The following ARHGEF18 variants were observed in gnomAD, a reference collection of about 807,000 sequenced individuals.
The protein encoded by ARHGEF18 is Rho/Rac guanine nucleotide exchange factor 18.
Under a neutral mutation model 155.7 loss-of-function variants are expected in ARHGEF18, and 93 were observed. The ratio of observed to expected loss-of-function variants is 0.60; its 90% CI spans 0.50 to 0.71. The LOEUF (loss-of-function observed/expected upper bound fraction) is 0.71. Among genes scored for constraint, ARHGEF18 ranks in the 30% least tolerant of loss-of-function variants. The pLI is 0.00. For missense variants in ARHGEF18, 1,593 were observed against 1,816.1 expected (o/e 0.88, Z 2.23); for synonymous variants, 742 against 753.1 (o/e 0.99, Z 0.24).
rs539475199 is a variant in ARHGEF18, at chr19:7,447,360, G to A, written c.1737+192G>A. ...AAAAATTAGCCTGGCATGGTGGCAC[G>A]CACCTGTAATCCCAGCTACTTGGGA... On this transcript the variant is annotated intron_variant, in intron 15 of 28. Coordinates refer to ENST00000668164, the MANE Select transcript of ARHGEF18 (RefSeq NM_001367823.1). 3.3e-5 allele frequency among the ~76,000 whole-genome samples: 5 copies of A among 151,614 alleles called. No homozygotes were observed. In the South Asian group the frequency reaches 1.1e-3, roughly 32 times the overall value.
chr19:7,444,410 C>T lies in ARHGEF18; in HGVS notation c.1567C>T (p.Arg523Trp), dbSNP rs373660949. 2.5e-5 allele frequency: 41 copies of T among 1,613,566 alleles called. 1 individual carries two copies. Among genetic ancestry groups the T allele is most frequent in the Middle Eastern group, 1.6e-4 (1 of 6,084 alleles). ...GGAGTCCCTGGAGGAGGGCAGTGAC[C>T]GGAATTATGTCATCCAGAAAATCGG... The part of the protein sequence containing the change: ...RQESLEEGSD[R>W]NYVIQKIGDL... Residue 523 changes from arginine (R) to tryptophan (W), a missense_variant, in exon 14 of 29, where the codon CGG becomes TGG. By Grantham distance (101) the Arg-to-Trp change is moderately radical. Transcript: ENST00000668164. The surrounding 1 kb of genome is among the most constrained non-coding windows in gnomAD (Gnocchi z 4.7).
intron 2 of ARHGEF18, among the ~76,000 whole-genome samples, chr19:7,371,076 C>T (rs1417151948): frequency 2.6e-5 from 4 of 151,884 alleles, no homozygotes; most frequent in African/African-American, 7.3e-5. Flanking sequence ...ATGCCCAGCT[C>T]ACTTTTAAAT....
intron 10 of ARHGEF18, among the ~76,000 whole-genome samples, chr19:7,423,278 A>G (rs1446872061): frequency 6.6e-6 from 1 of 152,134 alleles, no homozygotes; most frequent in Admixed American, 6.6e-5. Context: ...GGGAGCTAAC[A>G]GTTGGCCCCT....
intron 10 of ARHGEF18, chr19:7,439,582 CTGTTG>C: frequency 1.4e-6 from 1 of 707,068 alleles, no homozygotes. Flanking sequence ...TTTGCAGCCC[CTGTTG>C]ATGTTGGGTT....
intron 1 of ARHGEF18, among the ~76,000 whole-genome samples, chr19:7,356,494 G>A (rs1448160682): frequency 1.3e-5 from 2 of 151,816 alleles, no homozygotes; most frequent in Admixed American, 6.6e-5. Flanking sequence ...GGCTGGTCTC[G>A]AACTCCTGAC....
chr19:7,440,870 C>T lies in ARHGEF18; in HGVS notation c.1106+388C>T, dbSNP rs952433671. Among the ~76,000 whole-genome samples, 1 of 152,120 alleles carries T rather than the reference C, an allele frequency of 6.6e-6. No homozygotes were observed. The highest frequency in any genetic ancestry group is 2.4e-5 in the African/African-American group (1 of 41,418). ...AAAGTGGTTCCCTTGATAATGCCTG[C>T]AGCGGTGTCCGGGTAGAAAGTGATG... On this transcript the variant is annotated intron_variant, in intron 11 of 28. Coordinates refer to ENST00000668164, the MANE Select transcript of ARHGEF18 (RefSeq NM_001367823.1). This position sits in a 1 kb window ranked among gnomAD's most constrained non-coding sequence, Gnocchi z 5.4.
In ARHGEF18 at chr19:7,466,962, CCTGGAGT is replaced by C. The variant is rs747256361; in HGVS notation, c.2951_2957del (p.Leu984ArgfsTer15). ...AATCCGATCCCCGTCTGCCCACCGT[CCTGGAGT>C]CGGAGGTAGGCGCCCGCGGGTCTCC... is the stretch of plus-strand genomic sequence containing the variant. On this transcript the variant is annotated frameshift_variant, in exon 24 of 29. Transcript: ENST00000668164. LOFTEE classifies it high-confidence loss of function. 3 of 1,613,408 alleles carry C rather than the reference CCTGGAGT, an allele frequency of 1.9e-6. No homozygotes were observed. The African/African-American group carries it at 4.0e-5, about 22-fold the overall frequency.
At chr19:7,421,566 G>A (rs1973352342) in intron 10 of ARHGEF18, among the ~76,000 whole-genome samples, 1 of 152,076 alleles carries the variant, frequency 6.6e-6, no homozygotes, top group African/African-American at 2.4e-5. Context: ...TTCAAGACCA[G>A]GCTGGCCAAA....
chr19:7,372,324 C>T (rs1441566495), intron 2 of ARHGEF18, among the ~76,000 whole-genome samples: 2 of 151,846 alleles, frequency 1.3e-5, no homozygotes, highest in Non-Finnish European at 1.5e-5. Context: ...CAGGATGGGC[C>T]GGGTGGGAGA....
chr19:7,360,627 A>G (rs1222088817), intron 1 of ARHGEF18, among the ~76,000 whole-genome samples: 1 of 152,202 alleles, frequency 6.6e-6, no homozygotes, highest in Admixed American at 6.5e-5. Context: ...AGGAGGCCTC[A>G]GGCCTCCACA....
intron 10 of ARHGEF18, among the ~76,000 whole-genome samples, chr19:7,401,170 G>A (rs977369533): frequency 7.9e-5 from 12 of 152,304 alleles, no homozygotes; most frequent in South Asian, 2.1e-4. Context: ...ATCCTTGGGC[G>A]CTGGAGGCAG....
chr19:7,353,957 TAA>T (rs587629242), intron 1 of ARHGEF18, among the ~76,000 whole-genome samples: 3 of 136,306 alleles, frequency 2.2e-5, no homozygotes, highest in Non-Finnish European at 1.6e-5. Flanking sequence ...AGACTCTGTC[TAA>T]AAAAAAAAAA....
chr19:7,453,615 A>G lies in ARHGEF18; in HGVS notation c.2004A>G (p.Lys668=). ...AGATGGACCTGAAGTCTTCCAGCAA[A>G]CTCAAGAACGGGCTCACCTTCCGCA... The part of the protein sequence containing the change: ...AGKMDLKSSS[K]LKNGLTFRKE... The change falls in exon 17 of 29, where the codon AAA becomes AAG. Residue 668 remains lysine (K), a synonymous_variant. Transcript: ENST00000668164. 3 of 1,613,262 alleles carry G rather than the reference A, an allele frequency of 1.9e-6. No individual in the cohort carries two copies. The highest frequency in any genetic ancestry group is 2.5e-6 in the Non-Finnish European group (3 of 1,179,398).
In ARHGEF18 at chr19:7,364,365, AAAGGAAGG is replaced by A. The variant is rs752918785; in HGVS notation, c.15+1493_15+1500del. Reference sequence around the variant, plus strand: ...GAAGAAAGGAAGGAAGGAGGGAAGGAAAGGAAGGAAGGAAGGAAGGAAGGAAGGAAGGA... The same window carrying A: ...GAAGAAAGGAAGGAAGGAGGGAAGGAAAGGAAGGAAGGAAGGAAGGAAGGA... On this transcript the variant is annotated intron_variant, in intron 2 of 28. Coordinates refer to ENST00000668164, the MANE Select transcript of ARHGEF18 (RefSeq NM_001367823.1). Among the ~76,000 whole-genome samples, 11 of 112,938 alleles carry A rather than the reference AAAGGAAGG, an allele frequency of 9.7e-5. No individual in the cohort carries two copies. The South Asian group carries it at 1.4e-3, about 14-fold the overall frequency. 74.1% of individuals were successfully genotyped at this position (112,938 alleles called of 152,430 possible).
chr19:7,429,739 C>T (rs1973853391), intron 10 of ARHGEF18, among the ~76,000 whole-genome samples: 1 of 152,182 alleles, frequency 6.6e-6, no homozygotes, highest in South Asian at 2.1e-4. Context: ...GAGAGAGGGC[C>T]CACACCCATA....
At chr19:7,477,059 G>A (rs964307286), downstream of ARHGEF18, 53 of 696,290 alleles carry the variant, frequency 7.6e-5, no homozygotes, top group African/African-American at 3.2e-4. Flanking sequence ...GGGGGACCTC[G>A]CATCAGTCCC....
chr19:7,477,181 C>G, downstream of ARHGEF18: 1 of 1,452,462 alleles, frequency 6.9e-7, no homozygotes, highest in Non-Finnish European at 9.1e-7. Context: ...CTGGCTGTGT[C>G]CCTGTGCTCT....
chr19:7,371,003 C>T (rs1970179528), intron 2 of ARHGEF18, among the ~76,000 whole-genome samples: 1 of 151,956 alleles, frequency 6.6e-6, no homozygotes, highest in Admixed American at 6.6e-5. Flanking sequence ...TTTGACCTCC[C>T]AGGTTCAAGT....
At chr19:7,475,163 C>T (rs1457081620), downstream of ARHGEF18, among the ~76,000 whole-genome samples, 2 of 152,128 alleles carry the variant, frequency 1.3e-5, no homozygotes, top group East Asian at 1.9e-4. Flanking sequence ...ACCCAGGAGG[C>T]GGAGGTTGCA....
Sources: allele counts gnomAD v4.1 joint callset (sites outside exome capture counted in the v4.1 genomes callset), GRCh38; gene constraint gnomAD v4.1.1; non-coding constraint Gnocchi (gnomAD v3.1); transcripts MANE v1.5; gene names NCBI Gene and HGNC (gene_info 2026-07-23, HGNC 2026-07-21).